Variants in OSBPL9 observed in about 807,000 individuals in gnomAD.
The protein encoded by OSBPL9 is oxysterol binding protein like 9, also known as oxysterol-binding protein-related protein 9.
In OSBPL9, 40 loss-of-function variants were observed where a neutral mutation model predicts 106.6. The observed-to-expected ratio is 0.38, with a 90% CI of 0.29 to 0.49. OSBPL9 has a LOEUF of 0.49. OSBPL9 is among the 20% of genes least tolerant of loss of function. OSBPL9 has a pLI of 0.97. For synonymous variants in OSBPL9, 269 were observed against 295.4 expected (o/e 0.91, Z 0.92); for missense variants, 609 against 887.2 (o/e 0.69, Z 3.98).
chr1:51,581,272 T>C (rs549754501), intron 1 of OSBPL9, among the ~76,000 whole-genome samples: 11 of 152,016 alleles, frequency 7.2e-5, no homozygotes, highest in Admixed American at 2.0e-4. Context: ...CTTGGTTAGA[T>C]AGAGGTTATA....
At position 51,787,286 on chromosome 1, in the gene OSBPL9, C is replaced by A. The variant is rs1036612754; in HGVS notation, c.2001-67C>A. 20 of 1,480,794 alleles carry A rather than the reference C, an allele frequency of 1.4e-5. No homozygotes were observed. In the South Asian group the frequency reaches 2.3e-4, roughly 17 times the overall value. The allele number at this position is 1,480,794 out of a possible 1,614,324, so 91.7% of individuals were successfully genotyped here. A position where few individuals can be genotyped will look rare whatever the true frequency, so the allele number is the denominator to read the frequency against. ...TTAAAGCCATTTGACTTGTATTATA[C>A]TATATTCAGGATGGCTGCAGGCTTT... is the stretch of plus-strand genomic sequence containing the variant. On this transcript the variant is annotated intron_variant, in intron 22 of 23. Transcript: ENST00000428468.
the OSBPL9 span, among the ~76,000 whole-genome samples, chr1:51,522,651 A>T: frequency 4.8e-3 from 736 of 152,334 alleles, 7 homozygotes; most frequent in African/African-American, 0.016. Flanking sequence ...AATCTAATTC[A>T]TTATAACAAG....
chr1:51,699,460 C>T (rs1656780827), intron 3 of OSBPL9, among the ~76,000 whole-genome samples: 1 of 152,046 alleles, frequency 6.6e-6, no homozygotes. Context: ...ATTTCCTTGC[C>T]TCAGAAGCTT....
intron 1 of OSBPL9, among the ~76,000 whole-genome samples, chr1:51,637,749 G>A (rs988539969): frequency 6.6e-6 from 1 of 152,080 alleles, no homozygotes; most frequent in African/African-American, 2.4e-5. Flanking sequence ...CTACATTTAG[G>A]CTATCTAACT....
the OSBPL9 span, chr1:51,567,952 C>G: frequency 6.6e-6 from 1 of 152,184 alleles, no homozygotes; most frequent in African/African-American, 2.4e-5. Flanking sequence ...AGAGTCCCAG[C>G]AGGATATAGA....
rs544676237 is a variant in OSBPL9, at chr1:51,786,146, A to G, written c.1908+260A>G. 4 of 497,702 alleles carry G rather than the reference A, an allele frequency of 8.0e-6. No homozygotes were observed. The Admixed American group carries it at 1.6e-4, about 20-fold the overall frequency. The allele number at this position is 497,702 out of a possible 1,614,324, so 30.8% of individuals were successfully genotyped here. On this transcript the variant is annotated intron_variant, in intron 21 of 23. Transcript: ENST00000428468. ...TGCTCTCAAAACACTTGAGAATAATATATGTAAAACAATGCCTGGCACATA... is the reference window on the plus strand; with the variant it reads ...TGCTCTCAAAACACTTGAGAATAATGTATGTAAAACAATGCCTGGCACATA...
At chr1:51,736,838 A>G (rs903067053) in intron 4 of OSBPL9, among the ~76,000 whole-genome samples, 3 of 152,130 alleles carry the variant, frequency 2.0e-5, no homozygotes, top group African/African-American at 7.2e-5. Context: ...TCCTGGAATG[A>G]TTTACTCCAT....
At chr1:51,603,220 G>A (rs1264517161) in intron 2 of OSBPL9, among the ~76,000 whole-genome samples, 1 of 152,176 alleles carries the variant, frequency 6.6e-6, no homozygotes, top group Non-Finnish European at 1.5e-5. Flanking sequence ...TTTCACTTAA[G>A]TATGAATAAG....
At chr1:51,677,619 A>G (rs911163187) in intron 3 of OSBPL9, among the ~76,000 whole-genome samples, 1 of 151,984 alleles carries the variant, frequency 6.6e-6, no homozygotes, top group African/African-American at 2.4e-5. Flanking sequence ...TGGCACAACA[A>G]CAGCTCACTG....
intron 1 of OSBPL9, among the ~76,000 whole-genome samples, chr1:51,634,274 G>A (rs1458266404): frequency 6.6e-6 from 1 of 152,164 alleles, no homozygotes; most frequent in Non-Finnish European, 1.5e-5. Flanking sequence ...GTTAATAATG[G>A]ATTGTCATTT....
At chr1:51,697,383 G>T (rs1656263994) in intron 3 of OSBPL9, among the ~76,000 whole-genome samples, 1 of 150,122 alleles carries the variant, frequency 6.7e-6, no homozygotes, top group Non-Finnish European at 1.5e-5. Context: ...TGTAAATGTG[G>T]TTTTTGTGTA....
intron 1 of OSBPL9, among the ~76,000 whole-genome samples, chr1:51,641,991 G>C (rs1238075453): frequency 6.6e-6 from 1 of 152,150 alleles, no homozygotes; most frequent in African/African-American, 2.4e-5. Flanking sequence ...GTGTCAAGTG[G>C]TTATAAAGAT....
intron 3 of OSBPL9, among the ~76,000 whole-genome samples, chr1:51,701,508 CA>C (rs1216982038): frequency 2.0e-5 from 3 of 152,122 alleles, no homozygotes; most frequent in Non-Finnish European, 4.4e-5. Context: ...TTATCTATAA[CA>C]TACTCACTTG....
intron 9 of OSBPL9, chr1:51,760,306 G>A (rs1671213179): frequency 4.7e-6 from 1 of 213,076 alleles, no homozygotes; most frequent in Admixed American, 5.5e-5. Context: ...TACATCAGTT[G>A]GACATTTGGT....
At chr1:51,686,969 G>C (rs1284323961) in intron 3 of OSBPL9, among the ~76,000 whole-genome samples, 2 of 152,162 alleles carry the variant, frequency 1.3e-5, no homozygotes, top group Admixed American at 1.3e-4. Flanking sequence ...GTAAAATAAG[G>C]ATGCCAATGC....
At chr1:51,530,223 T>C in the OSBPL9 span, among the ~76,000 whole-genome samples, 3 of 93,012 alleles carry the variant, frequency 3.2e-5, no homozygotes, top group South Asian at 3.8e-4. Flanking sequence ...GAAGAAAACA[T>C]AGATGCAAAC....
At chr1:51,720,739 G>C (rs1661950038) in intron 4 of OSBPL9, among the ~76,000 whole-genome samples, 1 of 151,046 alleles carries the variant, frequency 6.6e-6, no homozygotes, top group African/African-American at 2.4e-5. Flanking sequence ...TCATATGTAT[G>C]GTTTTTGTGG....
chr1:51,704,145 C>T (rs1304476909), intron 3 of OSBPL9, among the ~76,000 whole-genome samples: 6 of 152,182 alleles, frequency 3.9e-5, no homozygotes, highest in Admixed American at 6.5e-5. Context: ...ATGATGCTGG[C>T]CTCATAAAAT....
intron 2 of OSBPL9, among the ~76,000 whole-genome samples, chr1:51,653,759 G>C (rs1471621803): frequency 6.6e-6 from 1 of 152,230 alleles, no homozygotes; most frequent in Non-Finnish European, 1.5e-5. Flanking sequence ...AACACTGGGA[G>C]ACCGAGCGAG....
Sources: gnomAD v4.1 joint callset for allele counts (sites outside exome capture counted in the v4.1 genomes callset) on GRCh38, gnomAD v4.1.1 for gene constraint, MANE v1.5 for transcripts, NCBI Gene and HGNC (gene_info 2026-07-23, HGNC 2026-07-21) for gene names.